Variants in VPS37C observed in about 807,000 individuals in gnomAD.
VPS37C encodes VPS37C subunit of ESCRT-I, also known as vacuolar protein sorting-associated protein 37C.
Under a neutral mutation model 16.1 loss-of-function variants are expected in VPS37C, and 9 were observed. That is an observed-to-expected ratio of 0.56 (90% CI 0.34 to 0.97). VPS37C has a LOEUF of 0.97. Among genes scored for constraint, VPS37C ranks in the 50% least tolerant of loss-of-function variants. The pLI is 0.02. For synonymous variants in VPS37C, 207 were observed against 206.4 expected, an observed-to-expected ratio of 1.00 and a Z score of -0.02; for missense variants, 479 against 472.7, an observed-to-expected ratio of 1.01 and a Z score of -0.12.
intron 2 of VPS37C, among the ~76,000 whole-genome samples, 184 bp from the exon 3 acceptor site, chr11:61,134,391 C>T (rs1210551499): frequency 1.3e-5 from 2 of 152,170 alleles, no homozygotes; most frequent in African/African-American, 2.4e-5. Flanking sequence ...AAGTACTCTG[C>T]GCCTCACTTA....
In VPS37C at chr11:61,130,664, T is replaced by C. The variant is rs1339818243; in HGVS notation, c.*1156A>G. On this transcript the variant is annotated 3_prime_UTR_variant, in exon 5 of 5. Transcript: ENST00000301765. ...TGTCTATTGTATTCATTCTTATTAC[T>C]GAACATGCCCCAAACCCCACAGTGC... 1 of 318,986 alleles carries C rather than the reference T, an allele frequency of 3.1e-6. No homozygotes were observed. The highest frequency in any genetic ancestry group is 1.4e-4 in the East Asian group (1 of 7,014). 19.8% of individuals were successfully genotyped at this position (318,986 alleles called of 1,614,324 possible).
chr11:61,134,759 C>T (rs1215941337), intron 2 of VPS37C, among the ~76,000 whole-genome samples: 1 of 152,194 alleles, frequency 6.6e-6, no homozygotes, highest in Non-Finnish European at 1.5e-5. Context: ...CCTGGACCTG[C>T]CTCCTATGCC....
At chr11:61,135,155 C>T (rs1280059480) in intron 2 of VPS37C, among the ~76,000 whole-genome samples, 3 of 152,378 alleles carry the variant, frequency 2.0e-5, no homozygotes, top group African/African-American at 7.2e-5. Flanking sequence ...GCTTCTCCAC[C>T]ATGGTCAGCA....
rs1036215015 is a variant in VPS37C, at chr11:61,132,989, G to A, written c.348+266C>T. ...AGTAGGGAGCTGGCCTCAGCCCCTG[G>A]GGGCCTCCTGCTGTGCTGCCCTACC... is the stretch of plus-strand genomic sequence containing the variant. On this transcript the variant is annotated intron_variant, in intron 4 of 4. Transcript: ENST00000301765. 3.6e-5 allele frequency: 21 copies of A among 581,288 alleles called. No individual in the cohort carries two copies. The African/African-American group carries it at 3.9e-4, about 11-fold the overall frequency. 36.0% of individuals were successfully genotyped at this position (581,288 alleles called of 1,614,324 possible).
chr11:61,147,698 C>CA (rs751396002), intron 1 of VPS37C, among the ~76,000 whole-genome samples: 3,523 of 141,496 alleles, frequency 0.025, 86 homozygotes, highest in African/African-American at 0.066. Flanking sequence ...TAACCTTCAA[C>CA]AAAAAAAAAA....
intron 1 of VPS37C, among the ~76,000 whole-genome samples, chr11:61,140,447 C>A (rs1438269271): frequency 6.6e-6 from 1 of 151,798 alleles, no homozygotes; most frequent in African/African-American, 2.4e-5. Context: ...AAAGAACTAT[C>A]CATACAGGGA....
At chr11:61,133,941 A>C in intron 3 of VPS37C, 95 bp downstream of exon 3, 1 of 1,438,410 alleles carries the variant, frequency 7.0e-7, no homozygotes, top group Admixed American at 2.3e-5. Flanking sequence ...GTTGTGAAAA[A>C]ATATACATAA....
intron 1 of VPS37C, chr11:61,144,915 G>C (rs1853172270): frequency 1.3e-5 from 2 of 152,228 alleles, no homozygotes; most frequent in African/African-American, 4.8e-5. Flanking sequence ...AGACAAACAT[G>C]TCCCAAATGA....
chr11:61,132,599 C>G, intron 4 of VPS37C, 60 bp from the exon 5 acceptor site: 1 of 1,517,134 alleles, frequency 6.6e-7, no homozygotes, highest in Non-Finnish European at 8.8e-7. Flanking sequence ...TCTTGATTTT[C>G]CCCAGGGTCT....
chr11:61,138,948 A>C, intron 1 of VPS37C, 113 bp from the exon 2 acceptor site: 3 of 952,558 alleles, frequency 3.1e-6, no homozygotes, highest in Non-Finnish European at 4.9e-6. Flanking sequence ...CGATAATACC[A>C]CTCCACCGGG....
At chr11:61,150,492 C>T (rs1853281119) in intron 1 of VPS37C, among the ~76,000 whole-genome samples, 1 of 152,052 alleles carries the variant, frequency 6.6e-6, no homozygotes. Flanking sequence ...AGACACCTCC[C>T]TCCTCTGCCC....
At chr11:61,160,846 G>T (rs982738148) in intron 1 of VPS37C, among the ~76,000 whole-genome samples, 1 of 152,186 alleles carries the variant, frequency 6.6e-6, no homozygotes, top group Non-Finnish European at 1.5e-5. Flanking sequence ...ATGCTGGGAG[G>T]TCCAAGTCTG....
intron 1 of VPS37C, among the ~76,000 whole-genome samples, chr11:61,154,614 T>C (rs1261154578): frequency 6.6e-6 from 1 of 151,830 alleles, no homozygotes; most frequent in Admixed American, 6.6e-5. Context: ...TACATGTAAC[T>C]GGAGTCCCCG....
chr11:61,154,673 T>G (rs1442800976), intron 1 of VPS37C, among the ~76,000 whole-genome samples: 1 of 152,174 alleles, frequency 6.6e-6, no homozygotes, highest in Non-Finnish European at 1.5e-5. Context: ...GCAGAGTTAC[T>G]GACTGAAAAA....
At chr11:61,150,982 C>T (rs527490947) in intron 1 of VPS37C, among the ~76,000 whole-genome samples, 3 of 152,294 alleles carry the variant, frequency 2.0e-5, no homozygotes, top group South Asian at 2.1e-4. Flanking sequence ...TAATCCTCAC[C>T]GCTCCTAAGC....
At chr11:61,151,528 T>C (rs893152451) in intron 1 of VPS37C, among the ~76,000 whole-genome samples, 3 of 152,198 alleles carry the variant, frequency 2.0e-5, no homozygotes, top group Non-Finnish European at 4.4e-5. Flanking sequence ...TGCCTCAGTG[T>C]CTTCTATAAG....
chr11:61,136,254 C>T (rs2134631362), intron 2 of VPS37C, among the ~76,000 whole-genome samples: 1 of 150,764 alleles, frequency 6.6e-6, no homozygotes, highest in South Asian at 2.1e-4. Context: ...CAACCTCTGC[C>T]TCCTGGGTTC....
rs763927821 is a variant in VPS37C, at chr11:61,132,078, C to A, written c.810G>T (p.Pro270=). ...WSPQRSMPPR[P]GYPGTPMGAS... ...CACCCATTGGGGTCCCAGGATAGCC[C>A]GGCCGGGGTGGCATGCTCCTCTGTG... The change falls in exon 5 of 5, where the codon CCG becomes CCT. Residue 270 remains proline, a synonymous_variant. Transcript: ENST00000301765. 7.2e-7 allele frequency: 1 copy of A among 1,398,390 alleles called. No homozygotes were observed. The highest frequency in any genetic ancestry group is 2.9e-5 in the East Asian group (1 of 34,826). The allele number at this position is 1,398,390 out of a possible 1,614,324, so 86.6% of individuals were successfully genotyped here.
chr11:61,137,323 C>T (rs576374978), intron 2 of VPS37C, among the ~76,000 whole-genome samples: 1 of 152,344 alleles, frequency 6.6e-6, no homozygotes, highest in East Asian at 1.9e-4. Flanking sequence ...GCTTGTCCTG[C>T]TTCATTTCTA....
Sources: gnomAD v4.1 joint callset for allele counts (sites outside exome capture counted in the v4.1 genomes callset) on GRCh38, gnomAD v4.1.1 for gene constraint, MANE v1.5 for transcripts, NCBI Gene and HGNC (gene_info 2026-07-23, HGNC 2026-07-21) for gene names.